The following GRIK3 variants were observed in gnomAD, a reference collection of about 807,000 sequenced individuals.
GRIK3 encodes glutamate ionotropic receptor kainate type subunit 3, also known as glutamate receptor ionotropic, kainate 3.
In GRIK3, 29 loss-of-function variants were observed where a neutral mutation model predicts 102.5. The observed-to-expected ratio is 0.28, with a 90% CI of 0.21 to 0.39. GRIK3 has a LOEUF of 0.39. Ranked by LOEUF, GRIK3 falls within the 10% of genes least tolerant of loss-of-function variation. GRIK3 has a pLI of 1.00. For synonymous variants in GRIK3, 511 were observed against 504.9 expected (o/e 1.01, Z -0.16); for missense variants, 908 against 1,252.4 (o/e 0.73, Z 4.15).
Position 37,034,182 on chromosome 1 carries a change from G to T in GRIK3, c.-74C>A, listed in dbSNP as rs867558684. 3.8e-6 allele frequency: 2 copies of T among 525,262 alleles called. No individual in the cohort carries two copies. Among genetic ancestry groups the T allele is most frequent in the South Asian group, 9.7e-5 (2 of 20,600 alleles). The allele number at this position is 525,262 out of a possible 1,614,324, so 32.5% of individuals were successfully genotyped here. On this transcript the variant is annotated 5_prime_UTR_variant, in exon 1 of 16. Transcript: ENST00000373091. ...TGGGGCGGCAGCTCTAGGCGCGGGC[G>T]CGCAGCAGCCCCGAAGGCGCCGCCT...
intron 1 of GRIK3, among the ~76,000 whole-genome samples, chr1:36,897,792 T>C (rs1192710358): frequency 6.6e-6 from 1 of 152,208 alleles, no homozygotes; most frequent in Non-Finnish European, 1.5e-5. Context: ...CACTGCTAGA[T>C]ATATGCTCCA....
intron 7 of GRIK3, among the ~76,000 whole-genome samples, chr1:36,855,918 C>T (rs1376050992): frequency 6.6e-6 from 1 of 152,204 alleles, no homozygotes. Flanking sequence ...CACTGAGGCT[C>T]AAAGAGGGAC....
chr1:36,805,877 G>A (rs1217046847), intron 14 of GRIK3, among the ~76,000 whole-genome samples: 4 of 147,582 alleles, frequency 2.7e-5, no homozygotes, highest in Middle Eastern at 3.6e-3. Context: ...TGGAGGTTGC[G>A]GTGAACCGAG....
At chr1:36,996,458 G>A (rs904934719) in intron 1 of GRIK3, among the ~76,000 whole-genome samples, 1 of 152,174 alleles carries the variant, frequency 6.6e-6, no homozygotes, top group Admixed American at 6.5e-5. Flanking sequence ...CCCAAGACCT[G>A]GATTCTCAGT....
intron 1 of GRIK3, among the ~76,000 whole-genome samples, chr1:36,902,719 AT>A (rs1194334726): frequency 6.6e-6 from 1 of 152,174 alleles, no homozygotes; most frequent in Non-Finnish European, 1.5e-5. Context: ...TAAAATTAAA[AT>A]TTTCTGCTCT....
At chr1:37,033,168 C>G (rs1400822917) in intron 1 of GRIK3, among the ~76,000 whole-genome samples, 1 of 152,232 alleles carries the variant, frequency 6.6e-6, no homozygotes, top group Admixed American at 6.5e-5. Context: ...AGTTAAAGAC[C>G]GGAGTAAGAG....
intron 1 of GRIK3, among the ~76,000 whole-genome samples, chr1:37,030,417 C>T (rs1298707680): frequency 7.9e-5 from 12 of 152,114 alleles, no homozygotes; most frequent in African/African-American, 2.7e-4. Context: ...CCCCAGGGAT[C>T]GGCTGCTGTT....
At chr1:36,817,420 T>G in intron 12 of GRIK3, 143 bp from the exon 13 acceptor site, 1 of 629,970 alleles carries the variant, frequency 1.6e-6, no homozygotes, top group East Asian at 2.7e-5. Flanking sequence ...GTGTGGTCCC[T>G]GGACTGGCAG....
intron 1 of GRIK3, among the ~76,000 whole-genome samples, chr1:37,002,342 A>G (rs890136387): frequency 5.9e-5 from 9 of 152,200 alleles, no homozygotes; most frequent in African/African-American, 1.7e-4. Context: ...CAACCCAACA[A>G]CCAGCTGAGT....
intron 7 of GRIK3, 133 bp downstream of exon 7, chr1:36,858,975 C>A: frequency 1.3e-6 from 1 of 778,588 alleles, no homozygotes. Flanking sequence ...AACTGAGGCT[C>A]GGAGACATGA....
At chr1:36,873,442 T>G (rs1640864881) in intron 3 of GRIK3, among the ~76,000 whole-genome samples, 1 of 152,164 alleles carries the variant, frequency 6.6e-6, no homozygotes, top group Admixed American at 6.5e-5. Flanking sequence ...GCTGACTTCT[T>G]TCTGCATAGC....
intron 13 of GRIK3, among the ~76,000 whole-genome samples, chr1:36,814,650 A>C (rs1362765997): frequency 6.6e-6 from 1 of 151,046 alleles, no homozygotes; most frequent in Non-Finnish European, 1.5e-5. Context: ...ACACACACAC[A>C]CTCAGATTCA....
At chr1:36,817,365 C>T in intron 12 of GRIK3, 88 bp from the exon 13 acceptor site, 1 of 864,750 alleles carries the variant, frequency 1.2e-6, no homozygotes. Context: ...CTCTGATACT[C>T]TAATGAAAGC....
intron 1 of GRIK3, among the ~76,000 whole-genome samples, chr1:37,015,071 T>C (rs574504022): frequency 6.6e-6 from 1 of 152,220 alleles, no homozygotes; most frequent in African/African-American, 2.4e-5. Flanking sequence ...GGTCAGAATA[T>C]CCTGGTCCCA....
intron 1 of GRIK3, among the ~76,000 whole-genome samples, chr1:36,954,531 T>C (rs532925): frequency 0.57 from 86,831 of 152,068 alleles, 25,635 homozygotes; most frequent in East Asian, 0.89. Context: ...GGCAGCATTG[T>C]GTGGCATGTG....
In GRIK3 at chr1:36,819,644, G is replaced by A. The variant is rs2124191890; in HGVS notation, c.1873+92C>T. The A allele has an allele frequency of 1.4e-6, 1 of 738,922 alleles. No individual in the cohort carries two copies. Among genetic ancestry groups the A allele is most frequent in the East Asian group, 2.5e-5 (1 of 39,972 alleles). The allele number at this position is 738,922 out of a possible 1,614,324, so 45.8% of individuals were successfully genotyped here. ...ATCAGGGTCTGAGGCTACCCCTAGAGGTGTGGGCTGGCTCTGCTGATGCCA... is the reference window on the plus strand; with the variant it reads ...ATCAGGGTCTGAGGCTACCCCTAGAAGTGTGGGCTGGCTCTGCTGATGCCA... On this transcript the variant is annotated intron_variant, in intron 12 of 15. Coordinates refer to ENST00000373091, the MANE Select transcript of GRIK3 (RefSeq NM_000831.4). The surrounding 1 kb of genome is among the most constrained non-coding windows in gnomAD (Gnocchi z 4.1).
At chr1:36,926,768 C>A (rs1026943993) in intron 1 of GRIK3, among the ~76,000 whole-genome samples, 3 of 152,158 alleles carry the variant, frequency 2.0e-5, no homozygotes, top group Non-Finnish European at 4.4e-5. Context: ...AGGACCAGAA[C>A]CATCCTACCT....
intron 1 of GRIK3, among the ~76,000 whole-genome samples, chr1:36,919,991 C>T (rs544932189): frequency 7.9e-5 from 12 of 152,316 alleles, no homozygotes; most frequent in East Asian, 1.9e-4. Context: ...GTATGGCTCC[C>T]GGTTGCCAAA....
intron 1 of GRIK3, among the ~76,000 whole-genome samples, chr1:36,906,375 C>T (rs761302966): frequency 2.0e-5 from 3 of 152,188 alleles, no homozygotes; most frequent in African/African-American, 7.2e-5. Flanking sequence ...GGGTACACAT[C>T]TCAGAGGGCT....
Sources: gnomAD v4.1 joint callset for allele counts (sites outside exome capture counted in the v4.1 genomes callset) on GRCh38, gnomAD v4.1.1 for gene constraint, Gnocchi (gnomAD v3.1) non-coding constraint, MANE v1.5 for transcripts, NCBI Gene and HGNC (gene_info 2026-07-23, HGNC 2026-07-21) for gene names.